Variants in CREG1 observed in about 807,000 individuals in gnomAD.
CREG1 encodes the protein protein CREG1.
In CREG1, 20 loss-of-function variants were observed where a neutral mutation model predicts 19.9. That is an observed-to-expected ratio of 1.01 (90% CI 0.71 to 1.46). CREG1 has a LOEUF of 1.46. Ranked by LOEUF, CREG1 falls within the 40% of genes most tolerant of loss-of-function variation. CREG1 has a pLI of 0.00. For synonymous variants in CREG1, 141 were observed against 143.3 expected (o/e 0.98, Z 0.12); for missense variants, 290 against 314.9 (o/e 0.92, Z 0.60).
intron 1 of CREG1, among the ~76,000 whole-genome samples, chr1:167,551,858 A>C (rs1656428182): frequency 6.6e-6 from 1 of 152,220 alleles, no homozygotes; most frequent in Non-Finnish European, 1.5e-5. Context: ...GGCTGGGAAT[A>C]AGAAAATGGT....
chr1:167,548,411 T>TA (rs771173297), intron 1 of CREG1, among the ~76,000 whole-genome samples: 7 of 152,248 alleles, frequency 4.6e-5, no homozygotes, highest in Non-Finnish European at 7.3e-5. Flanking sequence ...AGAAGAATTA[T>TA]AATTATAGTG....
chr1:167,552,397 G>T (rs779573233), intron 1 of CREG1, among the ~76,000 whole-genome samples: 3 of 152,276 alleles, frequency 2.0e-5, no homozygotes, highest in South Asian at 2.1e-4. Context: ...ATCAAATCAG[G>T]CTCCATTCCT....
chr1:167,544,601 T>G (rs1332473927), intron 3 of CREG1, among the ~76,000 whole-genome samples: 5 of 152,066 alleles, frequency 3.3e-5, no homozygotes, highest in Non-Finnish European at 7.4e-5. Context: ...TACAGCATCA[T>G]GGATAGAAGT....
In CREG1 at chr1:167,542,095, G is replaced by A. The variant is rs939805903; in HGVS notation, c.*203C>T. The A allele has an allele frequency of 4.7e-5, 22 of 472,462 alleles. No homozygotes were observed. The highest frequency in any genetic ancestry group is 3.2e-4 in the African/African-American group (16 of 50,350). 29.3% of individuals were successfully genotyped at this position (472,462 alleles called of 1,614,324 possible). ...ATGGCTTCAAAATAGGAAAAAAGTAGCTACCACATCTTCCAGGAAATCCAA... is the reference window on the plus strand; with the variant it reads ...ATGGCTTCAAAATAGGAAAAAAGTAACTACCACATCTTCCAGGAAATCCAA... On this transcript the variant is annotated 3_prime_UTR_variant, in exon 4 of 4. Transcript: ENST00000370509.
chr1:167,541,255 T>C lies in CREG1; in HGVS notation c.*1043A>G, dbSNP rs1426715963. On this transcript the variant is annotated 3_prime_UTR_variant, in exon 4 of 4. Coordinates refer to ENST00000370509, the MANE Select transcript of CREG1 (RefSeq NM_003851.3). ...CATCTTCTGAAATCATGTATATGGG[T>C]AATAATATTAGTGTCTTCTCTTCTG... 1 of 152,218 alleles carries C rather than the reference T, an allele frequency of 6.6e-6. No individual in the cohort carries two copies. The highest frequency in any genetic ancestry group is 2.1e-4 in the South Asian group (1 of 4,832). The allele number at this position is 152,218 out of a possible 1,614,324, so 9.4% of individuals were successfully genotyped here.
At chr1:167,553,274 A>G in intron 1 of CREG1, 114 bp downstream of exon 1, 1 of 835,602 alleles carries the variant, frequency 1.2e-6, no homozygotes, top group Non-Finnish European at 1.7e-6. Context: ...CAGAGAAGCA[A>G]CAGCCGTTCG....
Position 167,542,267 on chromosome 1 carries a change from A to C in CREG1, c.*31T>G. 6.3e-7 allele frequency: 1 copy of C among 1,595,176 alleles called. No homozygotes were observed. Among genetic ancestry groups the C allele is most frequent in the East Asian group, 2.3e-5 (1 of 44,240 alleles). Reference sequence around the variant, plus strand: ...TGTATGAGCCACTTTAAGAAACTTCATAAGTGTTGCTAAATTCACCACAGT... The same window carrying C: ...TGTATGAGCCACTTTAAGAAACTTCCTAAGTGTTGCTAAATTCACCACAGT... On this transcript the variant is annotated 3_prime_UTR_variant, in exon 4 of 4. Coordinates refer to ENST00000370509, the MANE Select transcript of CREG1 (RefSeq NM_003851.3).
chr1:167,550,309 C>T lies in CREG1; in HGVS notation c.355-2188G>A, dbSNP rs374334605. The stretch of plus-strand genomic sequence containing the variant: ...CGCCTCTATATGCATTTTAAACAAA[C>T]ATCCCAGGTAGCTCTTACGCAGCTA... On this transcript the variant is annotated intron_variant, in intron 1 of 3. Transcript: ENST00000370509. Among the ~76,000 whole-genome samples the T allele has an allele frequency of 7.9e-5, 12 of 152,322 alleles. No homozygotes were observed. In the East Asian group the frequency reaches 2.1e-3, roughly 27 times the overall value.
intron 1 of CREG1, among the ~76,000 whole-genome samples, chr1:167,549,861 A>T (rs1034549623): frequency 2.0e-5 from 3 of 150,276 alleles, no homozygotes; most frequent in Non-Finnish European, 2.9e-5. Context: ...ATATTTTTTT[A>T]TTTTTTGTAG....
At chr1:167,552,673 T>G (rs892957693) in intron 1 of CREG1, among the ~76,000 whole-genome samples, 1 of 152,160 alleles carries the variant, frequency 6.6e-6, no homozygotes, top group African/African-American at 2.4e-5. Flanking sequence ...TCAGGAAGGG[T>G]AAGAGAGTGA....
At position 167,542,315 on chromosome 1, in the gene CREG1, C is replaced by T. The variant is rs1338483758; in HGVS notation, c.660-14G>A. 1.3e-6 allele frequency: 2 copies of T among 1,599,832 alleles called. No homozygotes were observed. Among genetic ancestry groups the T allele is most frequent in the Non-Finnish European group, 1.7e-6 (2 of 1,174,742 alleles). On this transcript the variant is annotated splice_polypyrimidine_tract_variant and intron_variant, in intron 3 of 3. Coordinates refer to ENST00000370509, the MANE Select transcript of CREG1 (RefSeq NM_003851.3). ...AGTCTGCTTCACCTAGAAAGGGGAA[C>T]AGAGAAGAATTATTTTGTTAAACTG...
chr1:167,553,291 G>A, intron 1 of CREG1, 97 bp downstream of exon 1: 1 of 993,576 alleles, frequency 1.0e-6, no homozygotes, highest in Non-Finnish European at 1.3e-6. Flanking sequence ...TTCGAGCCAC[G>A]CTCCACTTCC....
chr1:167,543,013 C>T (rs1024473572), intron 3 of CREG1, among the ~76,000 whole-genome samples: 2 of 151,974 alleles, frequency 1.3e-5, no homozygotes, highest in East Asian at 3.9e-4. Context: ...TTTGGGAGGC[C>T]GAGGCGGGCA....
chr1:167,546,250 C>T lies in CREG1; in HGVS notation c.510G>A (p.Ser170=), dbSNP rs571629712. The part of the protein sequence containing the change: ...NETEMDIAKH[S]LFIRHPEMKT... ...TCATCTCAGGGTGTCGAATGAATAACGAATGCTTTGCAATATCCATTTCTG... is the reference window on the plus strand; with the variant it reads ...TCATCTCAGGGTGTCGAATGAATAATGAATGCTTTGCAATATCCATTTCTG... Residue 170 remains serine (S), a synonymous_variant, in exon 3 of 4, where the codon TCG becomes TCA. Coordinates refer to ENST00000370509, the MANE Select transcript of CREG1 (RefSeq NM_003851.3). The T allele has an allele frequency of 1.3e-5, 21 of 1,609,122 alleles. No homozygotes were observed. The highest frequency in any genetic ancestry group is 2.7e-5 in the African/African-American group (2 of 74,774).
At position 167,542,157 on chromosome 1, in the gene CREG1, C is replaced by T; in HGVS notation, c.*141G>A. 3.0e-6 allele frequency: 2 copies of T among 659,506 alleles called. No homozygotes were observed. Among genetic ancestry groups the T allele is most frequent in the South Asian group, 3.1e-5 (1 of 32,600 alleles). The allele number at this position is 659,506 out of a possible 1,614,324, so 40.9% of individuals were successfully genotyped here. A position where few individuals can be genotyped will look rare whatever the true frequency, so the allele number is the denominator to read the frequency against. On this transcript the variant is annotated 3_prime_UTR_variant, in exon 4 of 4. Coordinates refer to ENST00000370509, the MANE Select transcript of CREG1 (RefSeq NM_003851.3). Reference sequence around the variant, plus strand: ...CTCTATTGGTAAACAAGCAAGTAAACAAGCAAGCAAACAAACCAGCATGTG... The same window carrying T: ...CTCTATTGGTAAACAAGCAAGTAAATAAGCAAGCAAACAAACCAGCATGTG...
rs1656473965 is a variant in CREG1, at chr1:167,553,721, C to T, written c.21G>A (p.Gly7=). The T allele has an allele frequency of 3.1e-6, 4 of 1,291,508 alleles. No homozygotes were observed. In the South Asian group the frequency reaches 7.5e-5, roughly 24 times the overall value. The allele number at this position is 1,291,508 out of a possible 1,614,324, so 80.0% of individuals were successfully genotyped here. A position where few individuals can be genotyped will look rare whatever the true frequency, so the allele number is the denominator to read the frequency against. MAGLSR[G]SARALLAALL... is the part of the protein sequence containing the mutation. ...GGGCGGCGAGCAGTGCGCGCGCGGA[C>T]CCGCGGGATAGCCCGGCCATGGCGG... is the stretch of plus-strand genomic sequence containing the variant. The change falls in exon 1 of 4, where the codon GGG becomes GGA. Residue 7 remains glycine (G), a synonymous_variant. Transcript: ENST00000370509.
chr1:167,552,038 T>TA (rs1363838184), intron 1 of CREG1, among the ~76,000 whole-genome samples: 1 of 152,174 alleles, frequency 6.6e-6, no homozygotes, highest in Non-Finnish European at 1.5e-5. Context: ...TCAAATTTAT[T>TA]AAAAACAAAA....
At chr1:167,547,863 G>A (rs1418211176) in intron 2 of CREG1, 139 bp downstream of exon 2, 8 of 865,442 alleles carry the variant, frequency 9.2e-6, no homozygotes, top group Admixed American at 2.6e-5. Flanking sequence ...AGAGGTTGCA[G>A]TAAGCCGAGA....
chr1:167,546,339 C>T (rs1656323088), intron 2 of CREG1, 54 bp from the exon 3 acceptor site: 4 of 1,262,190 alleles, frequency 3.2e-6, no homozygotes, highest in South Asian at 1.4e-5. Flanking sequence ...TTTATCTTCT[C>T]ATTTGTTAAG....
Sources: allele counts gnomAD v4.1 joint callset (sites outside exome capture counted in the v4.1 genomes callset), GRCh38; gene constraint gnomAD v4.1.1; transcripts MANE v1.5; gene names NCBI Gene and HGNC (gene_info 2026-07-23, HGNC 2026-07-21).